The following MYOF variants were observed in gnomAD, a reference collection of about 807,000 sequenced individuals.
The protein encoded by MYOF is myoferlin, also known as fer-1-like 3, myoferlin.
Under a neutral mutation model 284.2 loss-of-function variants are expected in MYOF, and 244 were observed. The ratio of observed to expected loss-of-function variants is 0.86; its 90% CI spans 0.77 to 0.95. The LOEUF (loss-of-function observed/expected upper bound fraction) is 0.95. Ranked by LOEUF, MYOF falls within the 40% of genes least tolerant of loss-of-function variation. The pLI is 0.00. For missense variants in MYOF, 2,496 were observed against 2,560.6 expected, an observed-to-expected ratio of 0.97 and a Z score of 0.54; for synonymous variants, 904 against 919.7, an observed-to-expected ratio of 0.98 and a Z score of 0.31.
At position 93,355,641 on chromosome 10, in the gene MYOF, G is replaced by T; in HGVS notation, c.3390C>A (p.Ser1130=). ...TVFGANTPIV[S]CNFDRVYIYH... ...AACAAAACTCACTGTCAAAATTGCA[G>T]GAAACAATGGGGGTGTTTGCTCCGA... Residue 1130 remains serine, a synonymous_variant, in exon 31 of 54, where the codon TCC becomes TCA. Transcript: ENST00000359263. 1 of 1,604,982 alleles carries T rather than the reference G, an allele frequency of 6.2e-7. No individual in the cohort carries two copies.
intron 1 of MYOF, among the ~76,000 whole-genome samples, chr10:93,479,473 A>G (rs1589630006): frequency 1.3e-5 from 2 of 152,230 alleles, no homozygotes; most frequent in African/African-American, 2.4e-5. Context: ...AGGGTTTGCC[A>G]TCACCAGGAT....
At chr10:93,349,579 T>C (rs907733170) in intron 36 of MYOF, among the ~76,000 whole-genome samples, 3 of 152,202 alleles carry the variant, frequency 2.0e-5, no homozygotes, top group African/African-American at 7.2e-5. Flanking sequence ...AATAAGTAAG[T>C]ATTGCTCACA....
At position 93,325,920 on chromosome 10, in the gene MYOF, C is replaced by G. The variant is rs372062140; in HGVS notation, c.5177G>C (p.Arg1726Pro). ...LHQHLGAPEE[R>P]LALHILRTQG... is the part of the protein sequence containing the mutation. The stretch of plus-strand genomic sequence containing the variant: ...AGTCCTGAGGATGTGAAGAGCAAGC[C>G]GCTCTTCAGGGGCCCCGAGGTGCTG... Residue 1726 changes from arginine to proline, a missense_variant, in exon 46 of 54, where the codon CGG becomes CCG. This residue lies in a region of MYOF where 2,436 missense variants were observed against 2,480.7 expected (regional missense o/e 0.98). Coordinates refer to ENST00000359263, the MANE Select transcript of MYOF (RefSeq NM_013451.4). 6 of 1,613,866 alleles carry G rather than the reference C, an allele frequency of 3.7e-6. No homozygotes were observed. In the South Asian group the frequency reaches 6.6e-5, roughly 18 times the overall value.
At chr10:93,439,024 G>A (rs188454482) in intron 3 of MYOF, among the ~76,000 whole-genome samples, 1 of 152,272 alleles carries the variant, frequency 6.6e-6, no homozygotes, top group Non-Finnish European at 1.5e-5. Context: ...CACAAGTCTC[G>A]CCTCTACTTT....
chr10:93,455,441 G>T (rs887678321), intron 2 of MYOF, among the ~76,000 whole-genome samples: 1 of 152,158 alleles, frequency 6.6e-6, no homozygotes, highest in African/African-American at 2.4e-5. Flanking sequence ...TCTGAAGCAG[G>T]TGGATCACTT....
At chr10:93,385,227 C>A (rs115264378) in intron 19 of MYOF, among the ~76,000 whole-genome samples, 1 of 152,258 alleles carries the variant, frequency 6.6e-6, no homozygotes, top group African/African-American at 2.4e-5. Context: ...GTTCCAGAAG[C>A]CAGCGGGTAT....
intron 1 of MYOF, among the ~76,000 whole-genome samples, chr10:93,479,007 T>C (rs531903625): frequency 2.6e-5 from 4 of 152,202 alleles, no homozygotes; most frequent in African/African-American, 9.6e-5. Context: ...CTGGCCATTC[T>C]TCACCGTCTT....
chr10:93,345,888 T>C (rs538781469), intron 37 of MYOF, among the ~76,000 whole-genome samples: 1 of 152,316 alleles, frequency 6.6e-6, no homozygotes, highest in African/African-American at 2.4e-5. Flanking sequence ...CAGTCTGCCT[T>C]AGACCCAGCC....
chr10:93,472,269 AGTGTT>A (rs1249579687), intron 1 of MYOF, among the ~76,000 whole-genome samples: 2 of 152,230 alleles, frequency 1.3e-5, no homozygotes, highest in Admixed American at 1.3e-4. Context: ...GAAAAAAAGA[AGTGTT>A]GTCAAGGCTG....
In MYOF at chr10:93,397,283, G is replaced by A. The variant is rs766570018; in HGVS notation, c.1298C>T (p.Ser433Leu). 2.5e-6 allele frequency: 4 copies of A among 1,600,572 alleles called. No homozygotes were observed. The South Asian group carries it at 4.5e-5, about 18-fold the overall frequency. ...QVVNLQIKFPSVCEKIKLTIY... is the reference protein window; with the variant it reads ...QVVNLQIKFPLVCEKIKLTIY... ...TGTTAGTTTTATTTTTTCACACACT[G>A]AAGGAAACTAAAAAAATGAGACAGA... The change falls in exon 15 of 54, where the codon TCA becomes TTA. Residue 433 changes from serine to leucine, a missense_variant. This residue lies in a region of MYOF where 2,436 missense variants were observed against 2,480.7 expected (regional missense o/e 0.98). Transcript: ENST00000359263.
At position 93,306,969 on chromosome 10, in the gene MYOF, A is replaced by G. The variant is rs1439227405; in HGVS notation, c.6180T>C (p.Asn2060=). 1 of 1,613,212 alleles carries G rather than the reference A, an allele frequency of 6.2e-7. No individual in the cohort carries two copies. Among genetic ancestry groups the G allele is most frequent in the Non-Finnish European group, 8.5e-7 (1 of 1,179,498 alleles). ...AATGAAGCCTTTGCCTTTGTTACAC[A>G]TTTGGCTTTACAATCTTCATTGACA... ...NYLSMKIVKP[N]V is the part of the protein sequence containing the mutation. Residue 2060 remains asparagine (N), a synonymous_variant, in exon 54 of 54, where the codon AAT becomes AAC. Coordinates refer to ENST00000359263, the MANE Select transcript of MYOF (RefSeq NM_013451.4).
intron 5 of MYOF, among the ~76,000 whole-genome samples, chr10:93,425,453 G>A (rs1452261893): frequency 2.0e-5 from 3 of 152,132 alleles, no homozygotes; most frequent in African/African-American, 4.8e-5. Context: ...CTCCCTCCCT[G>A]AGCCCTCAGC....
At position 93,381,513 on chromosome 10, in the gene MYOF, G is replaced by A. The variant is rs1007906660; in HGVS notation, c.1699-117C>T. 5.5e-6 allele frequency: 6 copies of A among 1,083,470 alleles called. No individual in the cohort carries two copies. In the Admixed American group the frequency reaches 1.2e-4, roughly 21 times the overall value. The allele number at this position is 1,083,470 out of a possible 1,614,324, so 67.1% of individuals were successfully genotyped here. On this transcript the variant is annotated intron_variant, in intron 19 of 53. Transcript: ENST00000359263. ...AATTAGTGCTGAATTAAATGACAGGGGAGAATGTTCTTGGACCCAGCTGTT... is the reference window on the plus strand; with the variant it reads ...AATTAGTGCTGAATTAAATGACAGGAGAGAATGTTCTTGGACCCAGCTGTT...
intron 3 of MYOF, among the ~76,000 whole-genome samples, chr10:93,444,928 A>C (rs2056386022): frequency 6.6e-6 from 1 of 152,200 alleles, no homozygotes; most frequent in Non-Finnish European, 1.5e-5. Flanking sequence ...TCTCAAGGTC[A>C]CTGTGAAGAG....
chr10:93,448,644 C>T (rs1210050048), intron 3 of MYOF, among the ~76,000 whole-genome samples: 3 of 152,112 alleles, frequency 2.0e-5, no homozygotes, highest in Admixed American at 2.0e-4. Context: ...GAAACACAGG[C>T]ACAAGCACAG....
At chr10:93,467,533 A>G (rs1198347125) in intron 1 of MYOF, among the ~76,000 whole-genome samples, 1 of 152,108 alleles carries the variant, frequency 6.6e-6, no homozygotes, top group Non-Finnish European at 1.5e-5. Flanking sequence ...GTGGGACTGT[A>G]AACTAGTTCA....
At chr10:93,337,761 G>C in intron 40 of MYOF, 54 bp downstream of exon 40, 1 of 1,464,948 alleles carries the variant, frequency 6.8e-7, no homozygotes, top group Non-Finnish European at 9.5e-7. Context: ...CTCTGCCTGT[G>C]GCCAGTTTCA....
At chr10:93,456,971 T>C in intron 1 of MYOF, 34 bp from the exon 2 acceptor site, 1 of 1,539,360 alleles carries the variant, frequency 6.5e-7, no homozygotes, top group Non-Finnish European at 8.8e-7. Flanking sequence ...ACAGCAATCA[T>C]TTATAAAAAA....
At chr10:93,348,651 TGGCTCGCC>T (rs1043401760) in intron 36 of MYOF, among the ~76,000 whole-genome samples, 4 of 151,832 alleles carry the variant, frequency 2.6e-5, no homozygotes, top group African/African-American at 9.7e-5. Context: ...AGCATCCCGG[TGGCTCGCC>T]GTCTGTCGCA....
Sources: gnomAD v4.1 joint callset for allele counts (sites outside exome capture counted in the v4.1 genomes callset) on GRCh38, gnomAD v4.1.1 for gene constraint, gnomAD v4.1.1 regional missense constraint, MANE v1.5 for transcripts, NCBI Gene and HGNC (gene_info 2026-07-23, HGNC 2026-07-21) for gene names.